Variants in RIPK2 observed in about 807,000 individuals in gnomAD.
RIPK2 encodes receptor-interacting serine/threonine-protein kinase 2.
Under a neutral mutation model 60.9 loss-of-function variants are expected in RIPK2, and 38 were observed. The observed-to-expected ratio is 0.62, with a 90% CI of 0.48 to 0.82. The LOEUF is 0.82. Ranked by LOEUF, RIPK2 falls within the 40% of genes least tolerant of loss-of-function variation. RIPK2 has a pLI of 0.00. For synonymous variants in RIPK2, 225 were observed against 223.4 expected (o/e 1.01, Z -0.06); for missense variants, 518 against 647.0 (o/e 0.80, Z 2.16).
At chr8:89,780,474 C>G (rs1771548462) in intron 7 of RIPK2, 1 of 163,336 alleles carries the variant, frequency 6.1e-6, no homozygotes, top group African/African-American at 2.4e-5. Context: ...AGTTCGAGAC[C>G]AGCTGGGCCA....
At chr8:89,787,112 C>T (rs2130588989) in intron 9 of RIPK2, among the ~76,000 whole-genome samples, 1 of 151,910 alleles carries the variant, frequency 6.6e-6, no homozygotes, top group Non-Finnish European at 1.5e-5. Flanking sequence ...TGCAGTGAGC[C>T]GAGATTGCAC....
chr8:89,778,349 A>G (rs1809436782), intron 6 of RIPK2, among the ~76,000 whole-genome samples: 1 of 152,208 alleles, frequency 6.6e-6, no homozygotes, highest in Non-Finnish European at 1.5e-5. Flanking sequence ...AAATTTATCT[A>G]TACATTCATT....
intron 7 of RIPK2, among the ~76,000 whole-genome samples, chr8:89,782,721 G>A (rs558281873): frequency 6.6e-6 from 1 of 151,436 alleles, no homozygotes; most frequent in East Asian, 1.9e-4. Context: ...TTCAACTCTT[G>A]GAATCAGCTC....
At chr8:89,786,325 T>A (rs1010129631) in intron 8 of RIPK2, among the ~76,000 whole-genome samples, 6 of 151,924 alleles carry the variant, frequency 3.9e-5, no homozygotes, top group Non-Finnish European at 7.4e-5. Flanking sequence ...GATACAAAAT[T>A]TAGCATGGTA....
intron 6 of RIPK2, among the ~76,000 whole-genome samples, chr8:89,779,492 T>C (rs1809462303): frequency 6.6e-6 from 1 of 151,940 alleles, no homozygotes; most frequent in African/African-American, 2.4e-5. Flanking sequence ...TTTTCTTTTT[T>C]TGTATTTTTA....
intron 1 of RIPK2, among the ~76,000 whole-genome samples, chr8:89,762,530 A>G (rs188206773): frequency 6.8e-4 from 104 of 152,352 alleles, no homozygotes; most frequent in Non-Finnish European, 1.2e-3. Context: ...GACTTTATAA[A>G]TTTAATACTA....
chr8:89,781,679 C>T (rs1809503545), intron 7 of RIPK2, among the ~76,000 whole-genome samples: 1 of 152,096 alleles, frequency 6.6e-6, no homozygotes, highest in Non-Finnish European at 1.5e-5. Context: ...TTCCCTTATG[C>T]ATGGGAGATA....
chr8:89,772,588 C>G, intron 5 of RIPK2, 79 bp from the exon 6 acceptor site: 2 of 1,033,436 alleles, frequency 1.9e-6, no homozygotes, highest in Non-Finnish European at 2.8e-6. Flanking sequence ...CACTTATTTT[C>G]TTTTAGTTAG....
chr8:89,766,477 A>G (rs1014304856), intron 3 of RIPK2, among the ~76,000 whole-genome samples: 2 of 151,794 alleles, frequency 1.3e-5, no homozygotes, highest in African/African-American at 2.4e-5. Flanking sequence ...GCTATTCCGC[A>G]TCATTTTCTA....
intron 3 of RIPK2, among the ~76,000 whole-genome samples, 170 bp downstream of exon 3, chr8:89,765,666 T>C (rs1809215682): frequency 6.6e-6 from 1 of 151,882 alleles, no homozygotes; most frequent in Non-Finnish European, 1.5e-5. Context: ...TTCTTCCTAC[T>C]GCAGTTAGGA....
chr8:89,786,438 C>T (rs1354087769), intron 8 of RIPK2, among the ~76,000 whole-genome samples, 155 bp from the exon 9 acceptor site: 8 of 151,530 alleles, frequency 5.3e-5, no homozygotes, highest in Non-Finnish European at 7.4e-5. Flanking sequence ...TGTGCCACTG[C>T]ACTCCAGACT....
At chr8:89,776,273 T>C (rs1809397307) in intron 6 of RIPK2, among the ~76,000 whole-genome samples, 1 of 152,208 alleles carries the variant, frequency 6.6e-6, no homozygotes, top group South Asian at 2.1e-4. Context: ...AATGTCATCT[T>C]CCTGTTGGAA....
Position 89,784,141 on chromosome 8 carries a change from TAAAAA to T in RIPK2, c.1029+21_1029+25del, listed in dbSNP as rs71268283. The stretch of plus-strand genomic sequence containing the variant: ...CCTGTAAATCATGGTCCACAAGAGG[TAAAAA>T]AAAAAAAAAAAAAAAAAAGGTTATA... On this transcript the variant is annotated splice_donor_5th_base_variant and intron_variant, in intron 8 of 10. Coordinates refer to ENST00000220751, the MANE Select transcript of RIPK2 (RefSeq NM_003821.6). 32,346 of 545,656 alleles carry T rather than the reference TAAAAA, an allele frequency of 0.059. 16 individuals are homozygous for T. Among genetic ancestry groups the T allele is most frequent in the Non-Finnish European group, 0.068 (25,354 of 374,188 alleles). 33.8% of individuals were successfully genotyped at this position (545,656 alleles called of 1,614,324 possible).
At chr8:89,772,873 G>A in intron 6 of RIPK2, 45 bp downstream of exon 6, 1 of 1,287,748 alleles carries the variant, frequency 7.8e-7, no homozygotes, top group Non-Finnish European at 1.1e-6. Context: ...TACAGAATTA[G>A]TTAATATACT....
intron 7 of RIPK2, chr8:89,780,586 C>T (rs1410852335): frequency 6.6e-6 from 1 of 152,318 alleles, no homozygotes; most frequent in Admixed American, 6.6e-5. Flanking sequence ...ATAATCACAG[C>T]CAGTTGTGTA....
In RIPK2 at chr8:89,758,070, G is replaced by T; in HGVS notation, c.10G>T (p.Glu4Ter). 6.2e-7 allele frequency: 1 copy of T among 1,600,562 alleles called. No homozygotes were observed. Among genetic ancestry groups the T allele is most frequent in the Non-Finnish European group, 8.5e-7 (1 of 1,173,854 alleles). MNG[E>*]AICSALPTIP... is the part of the protein sequence containing the mutation. ...CTGAGCGCCCGGGACCATGAACGGG[G>T]AGGCCATCTGCAGCGCCCTGCCCAC... Residue 4 changes from glutamate to a stop codon, truncating the protein, a stop_gained, in exon 1 of 11, where the codon GAG (glutamate) becomes TAG (stop). Coordinates refer to ENST00000220751, the MANE Select transcript of RIPK2 (RefSeq NM_003821.6). LOFTEE classifies it high-confidence loss of function.
chr8:89,770,896 A>G (rs1167015911), intron 4 of RIPK2, among the ~76,000 whole-genome samples: 1 of 151,774 alleles, frequency 6.6e-6, no homozygotes, highest in East Asian at 1.9e-4. Context: ...CTGTCCTTTT[A>G]TATTTTGTTT....
At chr8:89,773,877 C>G (rs189026180) in intron 6 of RIPK2, among the ~76,000 whole-genome samples, 1 of 152,220 alleles carries the variant, frequency 6.6e-6, no homozygotes, top group East Asian at 1.9e-4. Context: ...TATAATCAGA[C>G]TTTGCAAACA....
intron 7 of RIPK2, chr8:89,780,543 ACCC>A (rs1809481350): frequency 6.5e-6 from 1 of 153,226 alleles, no homozygotes; most frequent in Non-Finnish European, 1.4e-5. Context: ...CATTTCCAGA[ACCC>A]TTATATATCA....
Sources: gnomAD v4.1 joint callset for allele counts (sites outside exome capture counted in the v4.1 genomes callset) on GRCh38, gnomAD v4.1.1 for gene constraint, MANE v1.5 for transcripts, NCBI Gene and HGNC (gene_info 2026-07-23, HGNC 2026-07-21) for gene names.